Variants in FLT4 observed in about 807,000 individuals in gnomAD.
FLT4 encodes vascular endothelial growth factor receptor 3.
A neutral mutation model predicts 163.2 loss-of-function variants in FLT4; 30 were observed. The observed-to-expected ratio is 0.18, with a 90% CI of 0.14 to 0.25. The LOEUF is 0.25. FLT4 is among the 10% of genes least tolerant of loss of function. The pLI, the probability that FLT4 is intolerant of heterozygous loss-of-function variation, is 1.00. For missense variants in FLT4, 1,510 were observed against 1,863.8 expected, an observed-to-expected ratio of 0.81 and a Z score of 3.50; for synonymous variants, 884 against 789.5, an observed-to-expected ratio of 1.12 and a Z score of -2.01.
rs534033782 is a variant in FLT4 at position 180,604,267 on chromosome 5, A to C, written c.3894-877T>G. On this transcript the variant is annotated intron_variant, in intron 29 of 29. Transcript: ENST00000261937. ...TGTCTTGCCCATCTCAGTGAACGGC[A>C]CCACCGTCCCCTCAGCCGCTCAAGC... Among the ~76,000 whole-genome samples the C allele has an allele frequency of 1.1e-4, 17 of 152,170 alleles. 1 individual carries two copies. The highest frequency in any genetic ancestry group is 4.1e-4 in the African/African-American group (17 of 41,522).
intron 29 of FLT4, among the ~76,000 whole-genome samples, chr5:180,604,055 G>C (rs2127782635): frequency 6.6e-6 from 1 of 152,250 alleles, no homozygotes; most frequent in South Asian, 2.1e-4. Context: ...GTCAGGGTCT[G>C]ATGGGAACCA....
intron 6 of FLT4, 101 bp from the exon 7 acceptor site, chr5:180,629,528 C>T: frequency 6.6e-7 from 1 of 1,515,076 alleles, no homozygotes; most frequent in Non-Finnish European, 9.0e-7. Flanking sequence ...GCTCCGGAAG[C>T]CCTGGACCCA....
intron 1 of FLT4, among the ~76,000 whole-genome samples, chr5:180,639,397 G>GGATGGATA (rs1363546984): frequency 6.9e-6 from 1 of 145,756 alleles, no homozygotes; most frequent in African/African-American, 2.5e-5. Flanking sequence ...ATGGATGGAT[G>GGATGGATA]GACGGATGGA....
upstream of FLT4, among the ~76,000 whole-genome samples, chr5:180,650,169 CA>C (rs397719371): frequency 3.6e-3 from 298 of 82,270 alleles, 1 homozygote; most frequent in South Asian, 7.6e-3. Flanking sequence ...GTCTGGGAGC[CA>C]AAAAAAAAAA....
intron 29 of FLT4, among the ~76,000 whole-genome samples, chr5:180,604,958 T>A (rs1445968165): frequency 6.6e-6 from 1 of 152,136 alleles, no homozygotes; most frequent in East Asian, 1.9e-4. Context: ...TTAGAAAAGA[T>A]TTATCGGGTT....
intron 13 of FLT4, 142 bp from the exon 14 acceptor site, chr5:180,621,394 G>A: frequency 7.1e-7 from 1 of 1,412,698 alleles, no homozygotes; most frequent in Non-Finnish European, 9.5e-7. Context: ...GCGCGCCTCC[G>A]CAGGGGGCGG....
intron 1 of FLT4, among the ~76,000 whole-genome samples, chr5:180,643,491 C>T (rs1275873137): frequency 4.3e-5 from 6 of 140,530 alleles, no homozygotes; most frequent in Admixed American, 6.9e-5. Flanking sequence ...AATGGCTCTC[C>T]CCCCGGGTGG....
At position 180,602,662 on chromosome 5, in the gene FLT4, G is replaced by A. The variant is rs1376005522; in HGVS notation, c.*530C>T. On this transcript the variant is annotated 3_prime_UTR_variant, in exon 30 of 30. Transcript: ENST00000261937. ...AGAGGACCCTGCAAATGCCTTCTTTGAGATGGAAACACAGCCCCTCCCTTC... is the reference window on the plus strand; with the variant it reads ...AGAGGACCCTGCAAATGCCTTCTTTAAGATGGAAACACAGCCCCTCCCTTC... 2.4e-6 allele frequency: 1 copy of A among 411,630 alleles called. No individual in the cohort carries two copies. The allele number at this position is 411,630 out of a possible 1,614,324, so 25.5% of individuals were successfully genotyped here.
At chr5:180,611,945 A>C (rs900778122) in intron 26 of FLT4, among the ~76,000 whole-genome samples, 26 of 151,864 alleles carry the variant, frequency 1.7e-4, no homozygotes, top group Non-Finnish European at 3.4e-4. Flanking sequence ...TGGGGCCAGC[A>C]CTCCCTACCT....
intron 11 of FLT4, 78 bp from the exon 12 acceptor site, chr5:180,622,917 C>G (rs565369813): frequency 7.2e-6 from 6 of 832,180 alleles, no homozygotes; most frequent in East Asian, 5.2e-5. Flanking sequence ...GCAAGGAGGT[C>G]GCTGTGCACC....
At chr5:180,622,694 T>C (rs1390942621) in intron 12 of FLT4, 37 bp downstream of exon 12, 16 of 1,351,362 alleles carry the variant, frequency 1.2e-5, no homozygotes, top group Non-Finnish European at 1.7e-5. Context: ...CTCCTGACCC[T>C]GTACCCAGGC....
rs769420024 is a variant in FLT4 at position 180,619,129 on chromosome 5, C to T, written c.2762-20G>A. On this transcript the variant is annotated intron_variant, in intron 19 of 29. Coordinates refer to ENST00000261937, the MANE Select transcript of FLT4 (RefSeq NM_182925.5). ...GGGGGCCTGCGGCGGGACCGGGCGGCGGCCGTGCGTTCGGAACCCGGGGCG... is the reference window on the plus strand; with the variant it reads ...GGGGGCCTGCGGCGGGACCGGGCGGTGGCCGTGCGTTCGGAACCCGGGGCG... The T allele has an allele frequency of 6.8e-7, 1 of 1,478,644 alleles. No individual in the cohort carries two copies. Among genetic ancestry groups the T allele is most frequent in the Non-Finnish European group, 9.0e-7 (1 of 1,112,742 alleles). The allele number at this position is 1,478,644 out of a possible 1,614,324, so 91.6% of individuals were successfully genotyped here.
intron 1 of FLT4, among the ~76,000 whole-genome samples, chr5:180,647,566 C>T (rs568802807): frequency 2.0e-5 from 3 of 151,676 alleles, no homozygotes; most frequent in South Asian, 2.1e-4. Context: ...CCCTGACACC[C>T]GACTGCAGCT....
At chr5:180,631,383 G>T (rs1342239861) in intron 2 of FLT4, among the ~76,000 whole-genome samples, 1 of 152,124 alleles carries the variant, frequency 6.6e-6, no homozygotes, top group Non-Finnish European at 1.5e-5. Context: ...TGAGGCAGGA[G>T]AATGGCGTGA....
intron 8 of FLT4, among the ~76,000 whole-genome samples, chr5:180,627,348 G>C (rs1327653556): frequency 6.6e-6 from 1 of 152,204 alleles, no homozygotes; most frequent in Non-Finnish European, 1.5e-5. Flanking sequence ...AGGCAGGGCA[G>C]GGCAGGGGCG....
intron 23 of FLT4, among the ~76,000 whole-genome samples, chr5:180,614,994 C>G (rs1219263897): frequency 6.6e-6 from 1 of 152,174 alleles, no homozygotes; most frequent in Non-Finnish European, 1.5e-5. Context: ...CATACTGCAC[C>G]AAGCGGGTCC....
At chr5:180,608,524 C>A (rs149545621) in intron 29 of FLT4, among the ~76,000 whole-genome samples, 3 of 152,160 alleles carry the variant, frequency 2.0e-5, no homozygotes, top group Non-Finnish European at 2.9e-5. Flanking sequence ...TCTCCACACA[C>A]GGGGAGAACA....
At position 180,616,472 on chromosome 5, in the gene FLT4, C is replaced by T. The variant is rs772364974; in HGVS notation, c.3114G>A (p.Leu1038=). ...LASRKCIHRD[L]AARNILLSES... The stretch of plus-strand genomic sequence containing the variant: ...CCGACAGCAGAATGTTCCGAGCAGC[C>T]AGGTCTCTGTGGATGCACTGGGGTG... Residue 1038 remains leucine, a synonymous_variant, in exon 23 of 30, where the codon CTG becomes CTA. Transcript: ENST00000261937. 10 of 1,613,776 alleles carry T rather than the reference C, an allele frequency of 6.2e-6. No individual in the cohort carries two copies. The Admixed American group carries it at 1.5e-4, about 24-fold the overall frequency.
intron 1 of FLT4, 134 bp from the exon 2 acceptor site, chr5:180,631,912 CGCGTGG>C (rs1581684289): frequency 3.0e-6 from 2 of 676,272 alleles, no homozygotes; most frequent in Non-Finnish European, 5.3e-6. Flanking sequence ...CAGCCAGCAC[CGCGTGG>C]CCTGGCCTCA....
Sources: gnomAD v4.1 joint callset for allele counts (sites outside exome capture counted in the v4.1 genomes callset) on GRCh38, gnomAD v4.1.1 for gene constraint, MANE v1.5 for transcripts, NCBI Gene and HGNC (gene_info 2026-07-23, HGNC 2026-07-21) for gene names.